HCN1: variants seen among roughly 807,000 people sequenced by gnomAD.
HCN1 encodes potassium/sodium hyperpolarization-activated cyclic nucleotide-gated channel 1.
In HCN1, 13 loss-of-function variants were observed where a neutral mutation model predicts 78.9. The ratio of observed to expected loss-of-function variants is 0.16; its 90% CI spans 0.11 to 0.26. The LOEUF (loss-of-function observed/expected upper bound fraction) is 0.26. HCN1 is among the 10% of genes least tolerant of loss of function. HCN1 has a pLI of 1.00. For missense variants in HCN1, 810 were observed against 1,154.3 expected (o/e 0.70, Z 4.32); for synonymous variants, 552 against 455.5 (o/e 1.21, Z -2.70).
At chr5:45,490,100 T>C (rs570651787) in intron 2 of HCN1, among the ~76,000 whole-genome samples, 1 of 152,252 alleles carries the variant, frequency 6.6e-6, no homozygotes, top group African/African-American at 2.4e-5. Context: ...AGGTGAAACA[T>C]GTTAAAAAGA....
At chr5:45,548,345 C>T (rs1210457357) in intron 2 of HCN1, among the ~76,000 whole-genome samples, 2 of 151,598 alleles carry the variant, frequency 1.3e-5, no homozygotes, top group Non-Finnish European at 2.9e-5. Context: ...AGATTTAACA[C>T]AAGAAATAAA....
In HCN1 at chr5:45,408,006, GA is replaced by G. The variant is rs1157246132; in HGVS notation, c.1012-11297del. Among the ~76,000 whole-genome samples the G allele has an allele frequency of 3.3e-5, 5 of 151,772 alleles. No individual in the cohort carries two copies. The East Asian group carries it at 7.7e-4, about 24-fold the overall frequency. On this transcript the variant is annotated intron_variant, in intron 3 of 7. Transcript: ENST00000303230. ...TTAAAAGTAAAGAAAAAATCAAATA[GA>G]AAAAAATCATATAGAATATAAGTAC...
chr5:45,489,738 A>T (rs1741841034), intron 2 of HCN1, among the ~76,000 whole-genome samples: 2 of 152,156 alleles, frequency 1.3e-5, no homozygotes, highest in African/African-American at 4.8e-5. Context: ...GTTCTCCAAG[A>T]TGTGGTTCCT....
At chr5:45,388,953 C>T (rs922578236) in intron 4 of HCN1, among the ~76,000 whole-genome samples, 11 of 152,128 alleles carry the variant, frequency 7.2e-5, no homozygotes, top group Non-Finnish European at 1.6e-4. Context: ...TGTGTAACGC[C>T]AAAGAAGACC....
At chr5:45,274,225 A>G (rs1334477730) in intron 6 of HCN1, among the ~76,000 whole-genome samples, 3 of 152,166 alleles carry the variant, frequency 2.0e-5, no homozygotes, top group African/African-American at 7.2e-5. Context: ...ACATAGATAC[A>G]TTCCTAATTG....
At chr5:45,436,416 C>T (rs1740561256) in intron 3 of HCN1, among the ~76,000 whole-genome samples, 1 of 152,166 alleles carries the variant, frequency 6.6e-6, no homozygotes, top group African/African-American at 2.4e-5. Flanking sequence ...GCTACATTTA[C>T]ATACTTCATA....
chr5:45,528,371 C>G (rs1742780240), intron 2 of HCN1, among the ~76,000 whole-genome samples: 1 of 151,710 alleles, frequency 6.6e-6, no homozygotes, highest in South Asian at 2.1e-4. Flanking sequence ...AGTATTTCAC[C>G]CTAGGGCTGA....
intron 2 of HCN1, among the ~76,000 whole-genome samples, chr5:45,610,047 G>A (rs1365905396): frequency 6.6e-6 from 1 of 152,146 alleles, no homozygotes; most frequent in Admixed American, 6.6e-5. Flanking sequence ...GCAGAAGATA[G>A]TAACTCATGA....
At chr5:45,318,002 T>G (rs973225163) in intron 5 of HCN1, among the ~76,000 whole-genome samples, 1 of 152,168 alleles carries the variant, frequency 6.6e-6, no homozygotes, top group Admixed American at 6.6e-5. Flanking sequence ...TGGAAGACAG[T>G]GTGGTGATTC....
intron 5 of HCN1, among the ~76,000 whole-genome samples, chr5:45,330,733 T>A (rs1746327489): frequency 6.6e-6 from 1 of 151,134 alleles, no homozygotes; most frequent in Admixed American, 6.6e-5. Flanking sequence ...GATTGTTTCA[T>A]AAGTATCAAA....
At chr5:45,529,059 T>C (rs1742791044) in intron 2 of HCN1, among the ~76,000 whole-genome samples, 1 of 151,830 alleles carries the variant, frequency 6.6e-6, no homozygotes, top group Non-Finnish European at 1.5e-5. Context: ...AGCAGGTATT[T>C]TCCTCCTTCA....
intron 5 of HCN1, among the ~76,000 whole-genome samples, chr5:45,333,373 T>G (rs777324574): frequency 6.6e-6 from 1 of 151,826 alleles, no homozygotes; most frequent in Admixed American, 6.6e-5. Flanking sequence ...GAGCTCCATA[T>G]AAATTCTGGT....
At chr5:45,366,221 A>ATG (rs1005389902) in intron 4 of HCN1, among the ~76,000 whole-genome samples, 12 of 150,234 alleles carry the variant, frequency 8.0e-5, no homozygotes, top group South Asian at 2.1e-4. Context: ...TTTGTATGTT[A>ATG]TGTGTGTGTG....
intron 3 of HCN1, among the ~76,000 whole-genome samples, chr5:45,436,957 T>C (rs1412815457): frequency 6.6e-6 from 1 of 152,170 alleles, no homozygotes; most frequent in Non-Finnish European, 1.5e-5. Context: ...GATTAGAATC[T>C]AGTTTTCCTA....
chr5:45,351,828 C>T (rs866812446), intron 5 of HCN1, among the ~76,000 whole-genome samples: 2,459 of 150,836 alleles, frequency 0.016, 74 homozygotes, highest in African/African-American at 0.057. Context: ...CACAATGAGA[C>T]ACCATCTCAC....
chr5:45,628,541 C>T (rs1016289845), intron 2 of HCN1, among the ~76,000 whole-genome samples: 5 of 151,962 alleles, frequency 3.3e-5, no homozygotes, highest in Non-Finnish European at 7.4e-5. Flanking sequence ...GGATAAAATG[C>T]TTATTAGTAG....
chr5:45,437,283 T>A (rs934855267), intron 3 of HCN1, among the ~76,000 whole-genome samples: 2 of 152,152 alleles, frequency 1.3e-5, no homozygotes, highest in African/African-American at 4.8e-5. Flanking sequence ...CATAAATAAA[T>A]GTAAATTTCT....
At chr5:45,526,498 C>T (rs1742738159) in intron 2 of HCN1, among the ~76,000 whole-genome samples, 1 of 152,084 alleles carries the variant, frequency 6.6e-6, no homozygotes, top group South Asian at 2.1e-4. Flanking sequence ...TCTTATCTGT[C>T]CCAATCCCAC....
At chr5:45,444,602 T>C (rs1740747839) in intron 3 of HCN1, among the ~76,000 whole-genome samples, 1 of 152,080 alleles carries the variant, frequency 6.6e-6, no homozygotes, top group Non-Finnish European at 1.5e-5. Flanking sequence ...GAATCTCTTA[T>C]GGGATCTTAT....
Sources: allele counts gnomAD v4.1 joint callset (sites outside exome capture counted in the v4.1 genomes callset), GRCh38; gene constraint gnomAD v4.1.1; transcripts MANE v1.5; gene names NCBI Gene and HGNC (gene_info 2026-07-23, HGNC 2026-07-21).